Variants in BDP1 observed in about 807,000 individuals in gnomAD.
The protein encoded by BDP1 is transcription factor TFIIIB component B'' homolog.
BDP1 carries 169 observed loss-of-function variants against 266.6 expected under a neutral mutation model. That is an observed-to-expected ratio of 0.63 (90% confidence interval 0.56 to 0.72). BDP1 has a LOEUF of 0.72. Among genes scored for constraint, BDP1 ranks in the 30% least tolerant of loss-of-function variants. The pLI is 0.00. For synonymous variants in BDP1, 1,090 were observed against 1,022.4 expected, an observed-to-expected ratio of 1.07 and a Z score of -1.26; for missense variants, 3,015 against 3,053.8, an observed-to-expected ratio of 0.99 and a Z score of 0.30.
intron 7 of BDP1, among the ~76,000 whole-genome samples, chr5:71,475,045 T>C (rs1312618631): frequency 6.6e-6 from 1 of 152,228 alleles, no homozygotes; most frequent in East Asian, 1.9e-4. Flanking sequence ...CAGGGAACTC[T>C]TAAATTACAT....
chr5:71,502,914 A>C, intron 15 of BDP1, 123 bp downstream of exon 15: 1 of 763,518 alleles, frequency 1.3e-6, no homozygotes, highest in Non-Finnish European at 2.0e-6. Flanking sequence ...TTTATGACGG[A>C]GTCTTGCTCT....
In BDP1 at chr5:71,549,586, C is replaced by T. The variant is rs374585483; in HGVS notation, c.6975C>T (p.Thr2325=). The part of the protein sequence containing the change: ...PAPILVKSVN[T]EERGDMSICL... ...CCATATTGGTCAAATCAGTGAATAC[C>T]GAAGAAAGGGGTGACATGAGGTAAC... is the stretch of plus-strand genomic sequence containing the variant. The change falls in exon 34 of 39, where the codon ACC becomes ACT. Residue 2325 remains threonine, a synonymous_variant. Transcript: ENST00000358731. The T allele has an allele frequency of 1.6e-5, 25 of 1,602,000 alleles. No individual in the cohort carries two copies. Among genetic ancestry groups the T allele is most frequent in the Admixed American group, 1.7e-5 (1 of 57,728 alleles).
At chr5:71,558,476 C>G (rs1743383849) in intron 36 of BDP1, among the ~76,000 whole-genome samples, 2 of 151,718 alleles carry the variant, frequency 1.3e-5, no homozygotes, top group Admixed American at 6.6e-5. Context: ...CAGCTGAGAT[C>G]ACGCCATTGC....
intron 18 of BDP1, 38 bp from the exon 19 acceptor site, chr5:71,513,147 C>G (rs1205921687): frequency 7.5e-6 from 11 of 1,473,574 alleles, no homozygotes; most frequent in African/African-American, 1.4e-5. Flanking sequence ...ACTGCCCCTT[C>G]AGTTCATTCT....
intron 20 of BDP1, among the ~76,000 whole-genome samples, chr5:71,515,788 A>G (rs555700742): frequency 1.6e-4 from 25 of 152,184 alleles, no homozygotes; most frequent in African/African-American, 5.8e-4. Flanking sequence ...ATACTAACTC[A>G]TTCTCCTCCT....
chr5:71,463,350 G>A (rs1761691748), intron 3 of BDP1, among the ~76,000 whole-genome samples: 1 of 152,096 alleles, frequency 6.6e-6, no homozygotes, highest in Non-Finnish European at 1.5e-5. Flanking sequence ...GTAGGAGTTG[G>A]GACAGTTCCT....
chr5:71,549,004 G>A (rs1229316999), intron 33 of BDP1, among the ~76,000 whole-genome samples: 2 of 152,060 alleles, frequency 1.3e-5, no homozygotes, highest in Non-Finnish European at 2.9e-5. Flanking sequence ...TTTGGGAGGC[G>A]GAGGTGGGTA....
chr5:71,575,741 G>C, the BDP1 span, among the ~76,000 whole-genome samples: 10 of 152,156 alleles, frequency 6.6e-5, no homozygotes, highest in Non-Finnish European at 1.2e-4. Flanking sequence ...ATTATCAATG[G>C]AGAGTTTTAC....
chr5:71,517,578 C>A, intron 22 of BDP1, 126 bp downstream of exon 22: 1 of 769,844 alleles, frequency 1.3e-6, no homozygotes, highest in Non-Finnish European at 2.0e-6. Flanking sequence ...GTAATAAATA[C>A]TTGTGATACT....
chr5:71,488,437 T>G (rs1320511478), intron 9 of BDP1, among the ~76,000 whole-genome samples: 10 of 147,378 alleles, frequency 6.8e-5, no homozygotes, highest in Non-Finnish European at 1.4e-4. Context: ...AGAACTTTTT[T>G]TTTTTTTTGA....
intron 12 of BDP1, among the ~76,000 whole-genome samples, chr5:71,495,838 GA>G (rs1470448274): frequency 1.3e-5 from 2 of 152,124 alleles, no homozygotes; most frequent in Non-Finnish European, 2.9e-5. Context: ...ATCTTCCCAA[GA>G]AACGATTAAA....
chr5:71,487,823 T>C lies in BDP1; in HGVS notation c.1213+1196T>C, dbSNP rs557090661. 2.6e-5 allele frequency among the ~76,000 whole-genome samples: 4 copies of C among 152,332 alleles called. No homozygotes were observed. The South Asian group carries it at 8.3e-4, about 32-fold the overall frequency. On this transcript the variant is annotated intron_variant, in intron 9 of 38. Coordinates refer to ENST00000358731, the MANE Select transcript of BDP1 (RefSeq NM_018429.3). The stretch of plus-strand genomic sequence containing the variant: ...CAGCTAAGGCACAGTGAGCCACTCT[T>C]ATCAGTTAGGGTGGTAGGAACCCTT...
In BDP1 at chr5:71,515,019, T is replaced by C. The variant is rs558899369; in HGVS notation, c.4546T>C (p.Cys1516Arg). Residue 1516 changes from cysteine to arginine, a missense_variant, in exon 20 of 39, where the codon TGT (cysteine) becomes CGT (arginine). Cys to Arg is a radical substitution (Grantham distance 180). Transcript: ENST00000358731. ...GAATGAGGAGGCTGTGATATTGCCA[T>C]GTACACAGACTGAAAGGAACCTTTC... ...HRNEEAVILP[C>R]TQTERNLSPS... 2.5e-6 allele frequency: 4 copies of C among 1,613,206 alleles called. No individual in the cohort carries two copies. Among genetic ancestry groups the C allele is most frequent in the East Asian group, 2.2e-5 (1 of 44,808 alleles).
chr5:71,563,898 A>AAAAT (rs1034846530), intron 38 of BDP1, among the ~76,000 whole-genome samples: 10 of 152,182 alleles, frequency 6.6e-5, no homozygotes, highest in African/African-American at 1.4e-4. Flanking sequence ...GCTTTGTCTT[A>AAAAT]AAATAAATAA....
chr5:71,484,842 A>G (rs1259448576), intron 8 of BDP1, among the ~76,000 whole-genome samples: 1 of 152,152 alleles, frequency 6.6e-6, no homozygotes, highest in African/African-American at 2.4e-5. Context: ...AATTTTAGAA[A>G]AAAAAAATCC....
In BDP1 at chr5:71,462,525, G is replaced by A. The variant is rs144410052; in HGVS notation, c.599+599G>A. On this transcript the variant is annotated intron_variant, in intron 3 of 38. Transcript: ENST00000358731. ...TCCCAGCACTTTAGGAGACCAAGGTGTGTGGGCCGCCTGAGTCCAGGAGTT... is the reference window on the plus strand; with the variant it reads ...TCCCAGCACTTTAGGAGACCAAGGTATGTGGGCCGCCTGAGTCCAGGAGTT... Among the ~76,000 whole-genome samples, 54 of 152,268 alleles carry A rather than the reference G, an allele frequency of 3.5e-4. 1 individual carries two copies. Among genetic ancestry groups the A allele is most frequent in the African/African-American group, 1.2e-3 (50 of 41,558 alleles).
chr5:71,571,062 TGTATTAA>T (rs1393614570), downstream of BDP1, among the ~76,000 whole-genome samples: 2 of 152,224 alleles, frequency 1.3e-5, no homozygotes, highest in East Asian at 3.8e-4. Flanking sequence ...GCATTCATAT[TGTATTAA>T]GTATTATGAG....
At chr5:71,517,940 C>T (rs530763906) in intron 22 of BDP1, among the ~76,000 whole-genome samples, 2 of 152,124 alleles carry the variant, frequency 1.3e-5, no homozygotes, top group Admixed American at 1.3e-4. Context: ...AAGTTTATAA[C>T]CTACTGACTA....
rs1213345259 is a variant in BDP1, at chr5:71,532,384, C to A, written c.5849C>A (p.Thr1950Asn). The change falls in exon 26 of 39, where the codon ACT becomes AAT. Residue 1950 changes from threonine (T) to asparagine (N), a missense_variant. Physicochemically the swap from Thr to Asn is moderately conservative, Grantham distance 65. Around this residue, in one of 3 missense-constraint regions of BDP1, gnomAD observed 2,383 missense variants for 2,404.9 expected, o/e 0.99. Transcript: ENST00000358731. ...VEHELPNTDV[T>N]TEEMKQEENL... ...CATGAGCTACCAAACACAGATGTGA[C>A]TACTGAAGAAATGAAACAAGAAGAA... 6.2e-7 allele frequency: 1 copy of A among 1,613,292 alleles called. No individual in the cohort carries two copies. The highest frequency in any genetic ancestry group is 8.5e-7 in the Non-Finnish European group (1 of 1,179,562).
Sources: allele counts gnomAD v4.1 joint callset (sites outside exome capture counted in the v4.1 genomes callset), GRCh38; gene constraint gnomAD v4.1.1; regional missense constraint gnomAD v4.1.1; transcripts MANE v1.5; gene names NCBI Gene and HGNC (gene_info 2026-07-23, HGNC 2026-07-21).